Variants in SLC35F5 observed in about 807,000 individuals in gnomAD.
SLC35F5 encodes the protein solute carrier family 35 member F5.
Under a neutral mutation model 68.6 loss-of-function variants are expected in SLC35F5, and 54 were observed. The observed-to-expected ratio is 0.79, with a 90% confidence interval of 0.63 to 0.99. The LOEUF is 0.99. SLC35F5 is among the 50% of genes least tolerant of loss of function. The probability of loss-of-function intolerance (pLI) is 0.00; values close to 1 mark genes in which losing one functional copy is unlikely to be tolerated. For missense variants in SLC35F5, 567 were observed against 626.9 expected (o/e 0.90, Z 1.02); for synonymous variants, 211 against 205.2 (o/e 1.03, Z -0.24).
intron 15 of SLC35F5, among the ~76,000 whole-genome samples, chr2:113,716,076 C>T (rs1181324790): frequency 6.6e-6 from 1 of 152,040 alleles, no homozygotes; most frequent in East Asian, 1.9e-4. Context: ...GTCACTATGC[C>T]CAGCCTGGAA....
At chr2:113,728,419 C>T (rs994813124) in intron 11 of SLC35F5, among the ~76,000 whole-genome samples, 3 of 152,154 alleles carry the variant, frequency 2.0e-5, no homozygotes, top group Non-Finnish European at 2.9e-5. Flanking sequence ...GGATCACAGG[C>T]GTGAGCCACA....
intron 9 of SLC35F5, among the ~76,000 whole-genome samples, chr2:113,733,652 GA>G (rs1446499737): frequency 6.6e-6 from 1 of 152,096 alleles, no homozygotes; most frequent in African/African-American, 2.4e-5. Context: ...AACTAAAAAA[GA>G]AAAACATTTA....
At chr2:113,731,163 C>A (rs1687869198) in intron 10 of SLC35F5, among the ~76,000 whole-genome samples, 1 of 151,984 alleles carries the variant, frequency 6.6e-6, no homozygotes, top group South Asian at 2.1e-4. Flanking sequence ...TGGTACCCTA[C>A]AAAAGTGTCA....
At chr2:113,729,627 A>G (rs530227276) in intron 10 of SLC35F5, 122 bp from the exon 11 acceptor site, 1 of 634,098 alleles carries the variant, frequency 1.6e-6, no homozygotes, top group Admixed American at 3.4e-5. Flanking sequence ...ATATAATGAT[A>G]TAAATCACCT....
intron 15 of SLC35F5, among the ~76,000 whole-genome samples, chr2:113,717,046 A>C (rs1340452611): frequency 6.6e-6 from 1 of 152,210 alleles, no homozygotes; most frequent in African/African-American, 2.4e-5. Context: ...AAAACTAGAA[A>C]AATTCTAGTA....
intron 6 of SLC35F5, 44 bp downstream of exon 6, chr2:113,743,669 T>C (rs1410000083): frequency 6.5e-7 from 1 of 1,527,634 alleles, no homozygotes; most frequent in South Asian, 1.1e-5. Context: ...CTGAAGTGGC[T>C]TGAATAAAGG....
intron 3 of SLC35F5, 76 bp downstream of exon 3, chr2:113,755,089 C>T (rs528605500): frequency 2.1e-6 from 3 of 1,420,956 alleles, no homozygotes; most frequent in African/African-American, 1.4e-5. Context: ...GAGATTGTAA[C>T]GGCTAGAGTT....
At chr2:113,745,642 C>G (rs1186143758) in intron 5 of SLC35F5, among the ~76,000 whole-genome samples, 4 of 151,820 alleles carry the variant, frequency 2.6e-5, no homozygotes. Context: ...TGTACTCCAC[C>G]AGAGGCAATA....
Position 113,735,849 on chromosome 2 carries a change from C to A in SLC35F5, c.760G>T (p.Ala254Ser). The A allele has an allele frequency of 6.2e-7, 1 of 1,606,832 alleles. No individual in the cohort carries two copies. The highest frequency in any genetic ancestry group is 1.1e-5 in the South Asian group (1 of 89,792). ...AGTGCTTCTTGATATGACAAATTTG[C>A]CAAAAACCACTAAAGAAAAAGAAAA... The part of the protein sequence containing the change: ...SFFFCFVWFL[A>S]NLSYQEALSD... The change falls in exon 8 of 16, where the codon GCA (alanine) becomes TCA (serine). Residue 254 changes from alanine to serine, a missense_variant. Coordinates refer to ENST00000245680, the MANE Select transcript of SLC35F5 (RefSeq NM_025181.5).
At chr2:113,703,168 C>T (rs1048172972), downstream of SLC35F5, among the ~76,000 whole-genome samples, 11 of 151,510 alleles carry the variant, frequency 7.3e-5, no homozygotes, top group Admixed American at 5.9e-4. Flanking sequence ...CTCTTTCTCT[C>T]TCTCTCTCTC....
chr2:113,720,201 T>C (rs184254838), intron 13 of SLC35F5, among the ~76,000 whole-genome samples: 39 of 152,000 alleles, frequency 2.6e-4, no homozygotes, highest in African/African-American at 9.4e-4. Flanking sequence ...CAAAGAAGCC[T>C]ACACTGATCA....
chr2:113,725,636 T>C (rs1687630222), intron 11 of SLC35F5, 99 bp from the exon 12 acceptor site: 1 of 1,140,666 alleles, frequency 8.8e-7, no homozygotes, highest in Non-Finnish European at 1.2e-6. Context: ...ACAAAAGCAC[T>C]CTGGGAGGTT....
Position 113,735,768 on chromosome 2 carries a change from A to C in SLC35F5, c.832+9T>G. 1 of 1,582,322 alleles carries C rather than the reference A, an allele frequency of 6.3e-7. No individual in the cohort carries two copies. The highest frequency in any genetic ancestry group is 1.4e-5 in the African/African-American group (1 of 73,948). On this transcript the variant is annotated intron_variant, in intron 8 of 15. Transcript: ENST00000245680. ...TTATAATGCAGATTTTTAAAGACAA[A>C]TTTCTTACCGGAAGTTGAAGATAAA...
At position 113,712,809 on chromosome 2, in the gene SLC35F5, A is replaced by G. The variant is rs1402948627; in HGVS notation, c.*2409T>C. ...GACTGAAAAGATATCAGAAATTTCT[A>G]TTTGTTTTTAGATTCAGAAAAATAT... On this transcript the variant is annotated 3_prime_UTR_variant, in exon 16 of 16. Transcript: ENST00000245680. The G allele has an allele frequency of 6.6e-6, 1 of 152,212 alleles. No homozygotes were observed. Among genetic ancestry groups the G allele is most frequent in the African/African-American group, 2.4e-5 (1 of 41,460 alleles). 9.4% of individuals were successfully genotyped at this position (152,212 alleles called of 1,614,324 possible). A position where few individuals can be genotyped will look rare whatever the true frequency, so the allele number is the denominator to read the frequency against.
At chr2:113,750,377 A>C (rs775304956) in intron 4 of SLC35F5, 48 bp downstream of exon 4, 1 of 1,480,160 alleles carries the variant, frequency 6.8e-7, no homozygotes, top group Admixed American at 2.4e-5. Context: ...CTTTGAAAAA[A>C]CGTATCTATA....
chr2:113,715,942 G>A (rs1687160499), intron 15 of SLC35F5, among the ~76,000 whole-genome samples: 1 of 151,844 alleles, frequency 6.6e-6, no homozygotes. Flanking sequence ...GAAACAAAGG[G>A]TTAAAAAAAT....
At chr2:113,756,348 G>C in intron 1 of SLC35F5, 22 bp downstream of exon 1, 1 of 1,566,378 alleles carries the variant, frequency 6.4e-7, no homozygotes, top group Non-Finnish European at 8.6e-7. Flanking sequence ...GGTGATGTCG[G>C]GGCCCTTCCC....
At chr2:113,729,637 T>G in intron 10 of SLC35F5, 132 bp from the exon 11 acceptor site, 1 of 609,522 alleles carries the variant, frequency 1.6e-6, no homozygotes, top group Non-Finnish European at 2.9e-6. Context: ...ATAAATCACC[T>G]TTATATTGAT....
intron 3 of SLC35F5, among the ~76,000 whole-genome samples, chr2:113,753,166 T>TTTA (rs1553480653): frequency 9.0e-6 from 1 of 110,610 alleles, no homozygotes. Flanking sequence ...AAGTTTGTTT[T>TTTA]TCTTTTTTTT....
Sources: gnomAD v4.1 joint callset for allele counts (sites outside exome capture counted in the v4.1 genomes callset) on GRCh38, gnomAD v4.1.1 for gene constraint, MANE v1.5 for transcripts, NCBI Gene and HGNC (gene_info 2026-07-23, HGNC 2026-07-21) for gene names.